WDR19: variants seen among roughly 807,000 people sequenced by gnomAD.
WDR19 encodes the protein WD repeat domain 19.
Under a neutral mutation model 180.0 loss-of-function variants are expected in WDR19, and 121 were observed. The ratio of observed to expected loss-of-function variants is 0.67; its 90% confidence interval spans 0.58 to 0.78. The LOEUF (loss-of-function observed/expected upper bound fraction) is 0.78. Ranked by LOEUF, WDR19 falls within the 30% of genes least tolerant of loss-of-function variation. WDR19 has a pLI of 0.00. For missense variants in WDR19, 1,450 were observed against 1,640.7 expected, an observed-to-expected ratio of 0.88 and a Z score of 2.01; for synonymous variants, 497 against 540.7, an observed-to-expected ratio of 0.92 and a Z score of 1.12.
intron 26 of WDR19, 128 bp downstream of exon 26, chr4:39,254,158 CATAGA>C: frequency 1.2e-6 from 1 of 808,224 alleles, no homozygotes; most frequent in Non-Finnish European, 1.8e-6. Context: ...ACCATTTATA[CATAGA>C]CACACATGTA....
chr4:39,263,994 T>C (rs1734551927), intron 28 of WDR19, among the ~76,000 whole-genome samples: 1 of 152,116 alleles, frequency 6.6e-6, no homozygotes, highest in Non-Finnish European at 1.5e-5. Context: ...ATTTTGCATA[T>C]GTAATAGTGA....
At chr4:39,276,920 G>C in intron 33 of WDR19, 100 bp from the exon 34 acceptor site, 4 of 1,424,000 alleles carry the variant, frequency 2.8e-6, no homozygotes, top group Non-Finnish European at 3.9e-6. Context: ...TATGAAGTAG[G>C]TGTGTCATAT....
chr4:39,185,764 A>C lies in WDR19; in HGVS notation c.45A>C (p.Ala15=). ...FSLLEKTWLG[A]PIQFAWQKTS... ...TGCTAGAAAAGACTTGGCTTGGCGC[A>C]CCAATACAGTTTGCCTGGCAAAAAA... Residue 15 remains alanine (A), a synonymous_variant, in exon 2 of 37, where the codon GCA becomes GCC. Coordinates refer to ENST00000399820, the MANE Select transcript of WDR19 (RefSeq NM_025132.4). 1 of 1,559,678 alleles carries C rather than the reference A, an allele frequency of 6.4e-7. No homozygotes were observed.
chr4:39,279,163 T>C (rs945589156), intron 36 of WDR19, among the ~76,000 whole-genome samples: 1 of 152,212 alleles, frequency 6.6e-6, no homozygotes, highest in African/African-American at 2.4e-5. Flanking sequence ...CAGGGAAATG[T>C]AGTCTTTAAT....
chr4:39,218,141 A>G, intron 14 of WDR19, 36 bp downstream of exon 14: 1 of 1,570,764 alleles, frequency 6.4e-7, no homozygotes, highest in Non-Finnish European at 8.6e-7. Flanking sequence ...AACACTGGGA[A>G]TTTTTAATTT....
chr4:39,283,507 CTAAA>C (rs1305539552), intron 36 of WDR19, among the ~76,000 whole-genome samples: 1 of 151,710 alleles, frequency 6.6e-6, no homozygotes, highest in African/African-American at 2.4e-5. Flanking sequence ...TTCTATTTGA[CTAAA>C]TATTTTTTCG....
intron 36 of WDR19, among the ~76,000 whole-genome samples, chr4:39,283,410 A>G (rs1231585724): frequency 6.6e-6 from 1 of 151,454 alleles, no homozygotes; most frequent in Non-Finnish European, 1.5e-5. Context: ...TTCAAGTGTT[A>G]TTATCAGGCT....
In WDR19 at chr4:39,185,727, G is replaced by A. The variant is rs922584346; in HGVS notation, c.8G>A (p.Arg3His). 14 of 1,553,092 alleles carry A rather than the reference G, an allele frequency of 9.0e-6. No individual in the cohort carries two copies. The East Asian group carries it at 1.7e-4, about 19-fold the overall frequency. ...TTAAAAATTGTGTTTATTTTTTAGC[G>A]TATTTTCTCACTGCTAGAAAAGACT... is the stretch of plus-strand genomic sequence containing the variant. MK[R>H]IFSLLEKTWL... is the part of the protein sequence containing the mutation. The change falls in exon 2 of 37, where the codon CGT becomes CAT. Residue 3 changes from arginine to histidine, a missense_variant and splice_region_variant. Coordinates refer to ENST00000399820, the MANE Select transcript of WDR19 (RefSeq NM_025132.4).
chr4:39,273,010 G>A lies in WDR19; in HGVS notation c.3514G>A (p.Gly1172Arg). The A allele has an allele frequency of 6.2e-7, 1 of 1,605,372 alleles. No individual in the cohort carries two copies. Among genetic ancestry groups the A allele is most frequent in the Non-Finnish European group, 8.5e-7 (1 of 1,176,172 alleles). ...TGTTAAAAATGGAGATCACATGAAA[G>A]GGGCTCGCATGCTCATTCGGGTGGC... ...IHVKNGDHMK[G>R]ARMLIRVANN... The change falls in exon 32 of 37, where the codon GGG becomes AGG. Residue 1172 changes from glycine to arginine, a missense_variant. Gly to Arg is a moderately radical substitution (Grantham distance 125). Coordinates refer to ENST00000399820, the MANE Select transcript of WDR19 (RefSeq NM_025132.4).
intron 14 of WDR19, 39 bp from the exon 15 acceptor site, chr4:39,224,845 C>A: frequency 6.9e-7 from 1 of 1,455,296 alleles, no homozygotes; most frequent in Non-Finnish European, 9.1e-7. Context: ...CCTTGACTAC[C>A]TTTTATATTT....
At chr4:39,245,615 T>C (rs186844537) in intron 24 of WDR19, among the ~76,000 whole-genome samples, 163 bp downstream of exon 24, 1 of 152,370 alleles carries the variant, frequency 6.6e-6, no homozygotes, top group African/African-American at 2.4e-5. Context: ...AAAATCCTCC[T>C]GTACCTCATA....
chr4:39,199,017 A>G (rs1043748197), intron 5 of WDR19, among the ~76,000 whole-genome samples: 8 of 151,590 alleles, frequency 5.3e-5, no homozygotes, highest in Non-Finnish European at 1.2e-4. Flanking sequence ...AAAAAAAAGA[A>G]TTAGCTGGGT....
chr4:39,239,997 A>C (rs995012078), intron 20 of WDR19, among the ~76,000 whole-genome samples: 1 of 152,046 alleles, frequency 6.6e-6, no homozygotes, highest in Non-Finnish European at 1.5e-5. Context: ...ACATAGTGAG[A>C]CCTTGTCTCT....
At chr4:39,230,567 A>G (rs1481148857) in intron 17 of WDR19, among the ~76,000 whole-genome samples, 1 of 152,202 alleles carries the variant, frequency 6.6e-6, no homozygotes. Context: ...TTAGGGTAAG[A>G]GAATTTATGC....
At chr4:39,213,511 CT>C (rs1264044358) in intron 9 of WDR19, among the ~76,000 whole-genome samples, 1 of 152,114 alleles carries the variant, frequency 6.6e-6, no homozygotes, top group Non-Finnish European at 1.5e-5. Context: ...ATATAATGTT[CT>C]TGAAGAGATA....
At position 39,256,084 on chromosome 4, in the gene WDR19, A is replaced by G; in HGVS notation, c.3114+124A>G. On this transcript the variant is annotated intron_variant, in intron 27 of 36. Coordinates refer to ENST00000399820, the MANE Select transcript of WDR19 (RefSeq NM_025132.4). ...CCAGTAACTCCCACTCAGATTTGAA[A>G]TCTCAGAGCTAACTCTGAAATATTC... 7.0e-6 allele frequency: 3 copies of G among 428,700 alleles called. No individual in the cohort carries two copies. The South Asian group carries it at 8.9e-5, about 13-fold the overall frequency. 26.6% of individuals were successfully genotyped at this position (428,700 alleles called of 1,614,324 possible).
intron 14 of WDR19, among the ~76,000 whole-genome samples, chr4:39,222,437 T>G (rs1729797261): frequency 2.6e-5 from 4 of 152,224 alleles, no homozygotes; most frequent in Admixed American, 2.6e-4. Context: ...GTTTATCAAT[T>G]TATTTTTTCA....
At chr4:39,232,097 C>T in intron 18 of WDR19, 65 bp from the exon 19 acceptor site, 2 of 1,470,918 alleles carry the variant, frequency 1.4e-6, no homozygotes, top group East Asian at 2.3e-5. Flanking sequence ...GATCAAAGTC[C>T]TTAAAAAAAA....
At chr4:39,190,600 C>G (rs1726053488) in intron 4 of WDR19, among the ~76,000 whole-genome samples, 1 of 152,134 alleles carries the variant, frequency 6.6e-6, no homozygotes, top group South Asian at 2.1e-4. Flanking sequence ...CGCTATGAGA[C>G]CAGACTATAA....
Sources: allele counts gnomAD v4.1 joint callset (sites outside exome capture counted in the v4.1 genomes callset), GRCh38; gene constraint gnomAD v4.1.1; transcripts MANE v1.5; gene names NCBI Gene and HGNC (gene_info 2026-07-23, HGNC 2026-07-21).